GLI2: variants seen among roughly 807,000 people sequenced by gnomAD.
The protein encoded by GLI2 is transcription activator GLI2.
In GLI2, 22 loss-of-function variants were observed where a neutral mutation model predicts 78.9. The observed-to-expected ratio is 0.28, with a 90% CI of 0.20 to 0.40. The LOEUF is 0.40. Among genes scored for constraint, GLI2 ranks in the 10% least tolerant of loss-of-function variants. GLI2 has a pLI of 1.00. For synonymous variants in GLI2, 974 were observed against 963.7 expected (o/e 1.01, Z -0.20); for missense variants, 2,097 against 2,213.2 (o/e 0.95, Z 1.05).
At chr2:120,740,107 TA>T (rs34152694) in intron 1 of GLI2, among the ~76,000 whole-genome samples, 25,477 of 150,986 alleles carry the variant, frequency 0.17, 2,197 homozygotes, top group Middle Eastern at 0.27. Flanking sequence ...TATCAAGAAT[TA>T]AAAAAAAAAT....
At chr2:120,815,619 G>A (rs1685458751) in intron 2 of GLI2, among the ~76,000 whole-genome samples, 1 of 152,214 alleles carries the variant, frequency 6.6e-6, no homozygotes, top group South Asian at 2.1e-4. Flanking sequence ...CTCTGACGGT[G>A]CTCCCTGCTT....
intron 2 of GLI2, among the ~76,000 whole-genome samples, chr2:120,801,737 G>A (rs1684716647): frequency 6.6e-6 from 1 of 152,190 alleles, no homozygotes; most frequent in African/African-American, 2.4e-5. Flanking sequence ...GAAAACCCAG[G>A]CAGGAGCTCC....
At chr2:120,969,130 G>C (rs1682013209) in intron 6 of GLI2, among the ~76,000 whole-genome samples, 1 of 152,232 alleles carries the variant, frequency 6.6e-6, no homozygotes, top group Non-Finnish European at 1.5e-5. Flanking sequence ...TCATGGACCA[G>C]GCCTGTCATG....
intron 2 of GLI2, among the ~76,000 whole-genome samples, chr2:120,911,587 A>AT (rs1678821467): frequency 6.6e-6 from 1 of 152,138 alleles, no homozygotes; most frequent in Non-Finnish European, 1.5e-5. Context: ...GTTTTCCAAT[A>AT]GTGGGAGGAT....
intron 1 of GLI2, among the ~76,000 whole-genome samples, chr2:120,764,958 T>C (rs1379596855): frequency 6.6e-6 from 1 of 152,186 alleles, no homozygotes; most frequent in Non-Finnish European, 1.5e-5. Context: ...AACATTTTGT[T>C]CATTTGTTCA....
chr2:120,907,726 T>C (rs1344514734), intron 2 of GLI2, among the ~76,000 whole-genome samples: 1 of 152,174 alleles, frequency 6.6e-6, no homozygotes, highest in East Asian at 1.9e-4. Context: ...CAAGCCTCTG[T>C]TTCCTCAGTG....
At position 120,777,927 on chromosome 2, in the gene GLI2, C is replaced by T. The variant is rs140478362; in HGVS notation, c.-30-19364C>T. Among the ~76,000 whole-genome samples, 406 of 152,160 alleles carry T rather than the reference C, an allele frequency of 2.7e-3. 1 individual carries two copies. The highest frequency in any genetic ancestry group is 4.2e-3 in the Non-Finnish European group (283 of 67,982). On this transcript the variant is annotated intron_variant, in intron 1 of 13. Transcript: ENST00000361492. ...GCCCAGTGTGGTCAGAGTGGGAGCA[C>T]GGAGACTCACTGGGGGTACAGAAGT...
At chr2:120,741,731 G>A (rs1334411279) in intron 1 of GLI2, among the ~76,000 whole-genome samples, 1 of 152,040 alleles carries the variant, frequency 6.6e-6, no homozygotes, top group African/African-American at 2.4e-5. Context: ...CCGCGGCCGG[G>A]GGACATTCCG....
chr2:120,919,200 G>T (rs1162366722), intron 2 of GLI2, among the ~76,000 whole-genome samples: 1 of 152,206 alleles, frequency 6.6e-6, no homozygotes, highest in Non-Finnish European at 1.5e-5. Context: ...AAATAATACT[G>T]TGCTGGATGT....
chr2:120,886,743 C>T (rs1335825346), intron 2 of GLI2, among the ~76,000 whole-genome samples: 1 of 152,232 alleles, frequency 6.6e-6, no homozygotes, highest in Non-Finnish European at 1.5e-5. Flanking sequence ...CGGTAGCCTG[C>T]ATGCTGGCCC....
At chr2:120,757,762 C>G (rs1683076482) in intron 1 of GLI2, among the ~76,000 whole-genome samples, 2 of 152,252 alleles carry the variant, frequency 1.3e-5, no homozygotes, top group African/African-American at 4.8e-5. Flanking sequence ...CCACCAAGCT[C>G]TGCCTGGTTA....
intron 2 of GLI2, among the ~76,000 whole-genome samples, chr2:120,822,064 G>A (rs1465925421): frequency 1.3e-5 from 2 of 152,218 alleles, no homozygotes; most frequent in East Asian, 1.9e-4. Context: ...GCGGTGGGCC[G>A]AGTTCATGTT....
At chr2:120,938,613 T>G (rs949469147) in intron 3 of GLI2, among the ~76,000 whole-genome samples, 3 of 152,244 alleles carry the variant, frequency 2.0e-5, no homozygotes, top group African/African-American at 7.2e-5. Flanking sequence ...GAGTGACAGC[T>G]GAAAGCTGGC....
In GLI2 at chr2:120,988,893, G is replaced by C; in HGVS notation, c.2928G>C (p.Val976=). 6.6e-7 allele frequency: 1 copy of C among 1,506,896 alleles called. No homozygotes were observed. The highest frequency in any genetic ancestry group is 8.8e-7 in the Non-Finnish European group (1 of 1,130,410). 93.3% of individuals were successfully genotyped at this position (1,506,896 alleles called of 1,614,324 possible). The change falls in exon 14 of 14, where the codon GTG becomes GTC. Residue 976 remains valine, a synonymous_variant. Coordinates refer to ENST00000361492, the MANE Select transcript of GLI2 (RefSeq NM_001374353.1). ...RVQRFHSTHN[V]NPGPLPPCAD... Reference sequence around the variant, plus strand: ...AGCGCTTCCACAGCACCCACAACGTGAACCCCGGCCCGCTGCCGCCCTGTG... The same window carrying C: ...AGCGCTTCCACAGCACCCACAACGTCAACCCCGGCCCGCTGCCGCCCTGTG...
rs1376702919 is a variant in GLI2, at chr2:120,992,052, C to CACACA, written c.*1377_*1378insACACA. ...CACACACACACACACACACACACAC[C>CACACA]CCAAACCTTTTCATGGGGAATGTGT... On this transcript the variant is annotated 3_prime_UTR_variant, in exon 14 of 14. Transcript: ENST00000361492. 3.0e-5 allele frequency: 3 copies of CACACA among 100,464 alleles called. No individual in the cohort carries two copies. Among genetic ancestry groups the CACACA allele is most frequent in the South Asian group, 3.2e-4 (1 of 3,138 alleles). The allele number at this position is 100,464 out of a possible 1,614,324, so 6.2% of individuals were successfully genotyped here. A position where few individuals can be genotyped will look rare whatever the true frequency, so the allele number is the denominator to read the frequency against.
At chr2:120,933,487 C>T (rs1032402218) in intron 3 of GLI2, among the ~76,000 whole-genome samples, 1 of 152,130 alleles carries the variant, frequency 6.6e-6, no homozygotes, top group Non-Finnish European at 1.5e-5. Context: ...AGAGTCTGTA[C>T]AAGGGCGAGA....
chr2:120,766,135 G>A (rs1683359176), intron 1 of GLI2, among the ~76,000 whole-genome samples: 1 of 152,198 alleles, frequency 6.6e-6, no homozygotes, highest in African/African-American at 2.4e-5. Context: ...GCTGGGGCTG[G>A]GATGAGTTAT....
Position 120,984,740 on chromosome 2 carries a change from C to T in GLI2, c.1902C>T (p.Ser634=), listed in dbSNP as rs759568577. 14 of 1,612,072 alleles carry T rather than the reference C, an allele frequency of 8.7e-6. No individual in the cohort carries two copies. Among genetic ancestry groups the T allele is most frequent in the East Asian group, 4.5e-5 (2 of 44,884 alleles). ...TCAGAGCCATCAAGACCGAGAGCTCCGGGGTAAGCGGAGCTGGGCAGCCCA... is the reference window on the plus strand; with the variant it reads ...TCAGAGCCATCAAGACCGAGAGCTCTGGGGTAAGCGGAGCTGGGCAGCCCA... The part of the protein sequence containing the change: ...LHVRAIKTES[S]GLCQSSPGAQ... Residue 634 remains serine, a synonymous_variant, in exon 12 of 14, where the codon TCC becomes TCT. Transcript: ENST00000361492.
rs138202623 is a variant in GLI2 at position 120,936,670 on chromosome 2, A to G, written c.254+9204A>G. Among the ~76,000 whole-genome samples, 687 of 152,282 alleles carry G rather than the reference A, an allele frequency of 4.5e-3. 2 individuals are homozygous for G. The highest frequency in any genetic ancestry group is 0.015 in the African/African-American group (607 of 41,552). On this transcript the variant is annotated intron_variant, in intron 3 of 13. Transcript: ENST00000361492. ...AGTAATCAACCCAAAGGAATTAATC[A>G]CTAACAGTAAAGTTTCAGGCATTGG...
Sources: allele counts gnomAD v4.1 joint callset (sites outside exome capture counted in the v4.1 genomes callset), GRCh38; gene constraint gnomAD v4.1.1; transcripts MANE v1.5; gene names NCBI Gene and HGNC (gene_info 2026-07-23, HGNC 2026-07-21).